Variants in CADM1 observed in about 807,000 individuals in gnomAD.
The protein encoded by CADM1 is TSLC-1.
CADM1 carries 15 observed loss-of-function variants against 53.1 expected under a neutral mutation model. The observed-to-expected ratio is 0.28, with a 90% confidence interval of 0.19 to 0.44. The LOEUF is 0.44. Ranked by LOEUF, CADM1 falls within the 20% of genes least tolerant of loss-of-function variation. The probability of loss-of-function intolerance (pLI) is 1.00; values close to 1 mark genes in which losing one functional copy is unlikely to be tolerated. For missense variants in CADM1, 434 were observed against 611.3 expected (o/e 0.71, Z 3.06); for synonymous variants, 281 against 243.0 (o/e 1.16, Z -1.45).
chr11:115,345,362 C>G (rs920818079), intron 1 of CADM1, among the ~76,000 whole-genome samples: 1 of 152,180 alleles, frequency 6.6e-6, no homozygotes, highest in Non-Finnish European at 1.5e-5. Flanking sequence ...TGATTTTCCT[C>G]TGCTCTGAAA....
intron 1 of CADM1, among the ~76,000 whole-genome samples, chr11:115,338,892 A>ATTTTTTTTTTTTTTTTTTTTTTTTTAT (rs10577568): frequency 7.5e-6 from 1 of 132,732 alleles, no homozygotes; most frequent in Non-Finnish European, 1.6e-5. Context: ...TTTTTTTTTA[A>ATTTTTTTTTTTTTTTTTTTTTTTTTAT]TTTTTTTTTT....
chr11:115,231,525 A>C lies in CADM1; in HGVS notation c.425-35T>G, dbSNP rs12295117. On this transcript the variant is annotated intron_variant, in intron 3 of 11. Coordinates refer to ENST00000331581, the MANE Select transcript of CADM1 (RefSeq NM_001301043.2). ...AAACATATGTGCTTTATAAACACAGAATGCATTTTTGCATTGTTGCTATCA... is the reference window on the plus strand; with the variant it reads ...AAACATATGTGCTTTATAAACACAGCATGCATTTTTGCATTGTTGCTATCA... The C allele has an allele frequency of 9.2e-4, 1,485 of 1,605,956 alleles. 9 individuals carry two copies. In the African/African-American group the frequency reaches 0.018, roughly 20 times the overall value.
intron 1 of CADM1, among the ~76,000 whole-genome samples, chr11:115,394,854 T>TA (rs771948003): frequency 4.6e-5 from 7 of 151,820 alleles, no homozygotes; most frequent in South Asian, 2.1e-4. Flanking sequence ...AAGTAGAAAA[T>TA]AAAAAAACAA....
chr11:115,497,618 T>A (rs981248592), intron 1 of CADM1, among the ~76,000 whole-genome samples: 2 of 152,214 alleles, frequency 1.3e-5, no homozygotes, highest in Non-Finnish European at 2.9e-5. Flanking sequence ...AGCCTGCAAT[T>A]TAAATCTCTG....
At chr11:115,406,168 T>C (rs1000763593) in intron 1 of CADM1, among the ~76,000 whole-genome samples, 3 of 152,160 alleles carry the variant, frequency 2.0e-5, no homozygotes, top group African/African-American at 7.2e-5. Flanking sequence ...TTAGACCCCA[T>C]ATGCTAAAAT....
chr11:115,266,850 C>A (rs188256400), intron 1 of CADM1, among the ~76,000 whole-genome samples: 1 of 152,192 alleles, frequency 6.6e-6, no homozygotes, highest in Non-Finnish European at 1.5e-5. Context: ...GTTTCTGAAA[C>A]CTGCCTTTGC....
chr11:115,440,484 C>T (rs979756294), intron 1 of CADM1, among the ~76,000 whole-genome samples: 6 of 152,160 alleles, frequency 3.9e-5, no homozygotes, highest in Admixed American at 2.0e-4. Context: ...GAAATTATAA[C>T]CTGGAGTTTA....
chr11:115,395,061 T>C (rs1414774531), intron 1 of CADM1, among the ~76,000 whole-genome samples: 1 of 152,198 alleles, frequency 6.6e-6, no homozygotes, highest in Non-Finnish European at 1.5e-5. Context: ...CCTTTGATAG[T>C]TCAATTTTCA....
intron 1 of CADM1, among the ~76,000 whole-genome samples, chr11:115,289,583 CTTTT>C (rs1242394605): frequency 6.7e-5 from 7 of 104,564 alleles, no homozygotes; most frequent in African/African-American, 2.7e-4. Context: ...ACTGAATTTT[CTTTT>C]TTTTTCTTTT....
intron 5 of CADM1, among the ~76,000 whole-genome samples, chr11:115,219,629 C>T (rs1008739266): frequency 2.6e-5 from 4 of 152,024 alleles, no homozygotes; most frequent in African/African-American, 7.2e-5. Flanking sequence ...ATAACTGGGT[C>T]GGGAAGGTAG....
At chr11:115,274,416 T>A (rs1484153498) in intron 1 of CADM1, among the ~76,000 whole-genome samples, 1 of 152,226 alleles carries the variant, frequency 6.6e-6, no homozygotes, top group African/African-American at 2.4e-5. Context: ...GGGAGATTTG[T>A]CCCTTGAAAA....
chr11:115,420,229 A>AAAGACGTGTCCAC (rs1947718901), intron 1 of CADM1, among the ~76,000 whole-genome samples: 1 of 152,182 alleles, frequency 6.6e-6, no homozygotes, highest in African/African-American at 2.4e-5. Flanking sequence ...TGTAACAAGG[A>AAAGACGTGTCCAC]AAGACGTGTC....
intron 5 of CADM1, among the ~76,000 whole-genome samples, chr11:115,220,713 G>T (rs998615065): frequency 7.2e-5 from 11 of 152,142 alleles, no homozygotes; most frequent in Admixed American, 5.9e-4. Flanking sequence ...TCTATGTGCC[G>T]AGATCTATCC....
chr11:115,285,229 T>G (rs991991480), intron 1 of CADM1, among the ~76,000 whole-genome samples: 1 of 152,236 alleles, frequency 6.6e-6, no homozygotes, highest in Non-Finnish European at 1.5e-5. Flanking sequence ...TAGAACTTAC[T>G]AAAACGTTTT....
At chr11:115,295,238 A>T (rs1163506309) in intron 1 of CADM1, among the ~76,000 whole-genome samples, 2 of 152,016 alleles carry the variant, frequency 1.3e-5, no homozygotes, top group Non-Finnish European at 2.9e-5. Context: ...ATCAGTGAGC[A>T]TTCAACAAGT....
At chr11:115,329,109 A>G (rs183519786) in intron 1 of CADM1, among the ~76,000 whole-genome samples, 1 of 152,200 alleles carries the variant, frequency 6.6e-6, no homozygotes, top group African/African-American at 2.4e-5. Context: ...TCTCTCTTAA[A>G]TGAAGGACAA....
chr11:115,305,441 T>C (rs1944338547), intron 1 of CADM1, among the ~76,000 whole-genome samples: 1 of 152,028 alleles, frequency 6.6e-6, no homozygotes, highest in Non-Finnish European at 1.5e-5. Context: ...AGTCCTCTGC[T>C]TCCTCTAGTC....
chr11:115,447,880 A>G (rs1387905716), intron 1 of CADM1, among the ~76,000 whole-genome samples: 5 of 152,162 alleles, frequency 3.3e-5, no homozygotes, highest in African/African-American at 1.2e-4. Context: ...TACTACCTGG[A>G]TCTCAGCTTG....
At chr11:115,304,466 T>C (rs914435757) in intron 1 of CADM1, among the ~76,000 whole-genome samples, 2 of 152,090 alleles carry the variant, frequency 1.3e-5, no homozygotes, top group Non-Finnish European at 2.9e-5. Flanking sequence ...AAGGATCAAA[T>C]GCTTTGATAG....
Sources: gnomAD v4.1 joint callset for allele counts (sites outside exome capture counted in the v4.1 genomes callset) on GRCh38, gnomAD v4.1.1 for gene constraint, MANE v1.5 for transcripts, NCBI Gene and HGNC (gene_info 2026-07-23, HGNC 2026-07-21) for gene names.